AMOTL1: variants seen among roughly 807,000 people sequenced by gnomAD.
AMOTL1 encodes the protein angiomotin like 1.
Under a neutral mutation model 102.9 loss-of-function variants are expected in AMOTL1, and 45 were observed. The ratio of observed to expected loss-of-function variants is 0.44; its 90% CI spans 0.34 to 0.56. The LOEUF is 0.56. AMOTL1 is among the 20% of genes least tolerant of loss of function. AMOTL1 has a pLI of 0.01. For synonymous variants in AMOTL1, 481 were observed against 484.7 expected (o/e 0.99, Z 0.10); for missense variants, 1,114 against 1,225.6 (o/e 0.91, Z 1.36).
intron 2 of AMOTL1, among the ~76,000 whole-genome samples, chr11:94,797,667 T>C (rs1242899539): frequency 1.3e-5 from 2 of 152,186 alleles, no homozygotes; most frequent in Non-Finnish European, 2.9e-5. Flanking sequence ...TCCAATAATT[T>C]TCCCAAGAGA....
chr11:94,771,399 G>A (rs183554492), intron 1 of AMOTL1, among the ~76,000 whole-genome samples: 4 of 152,028 alleles, frequency 2.6e-5, no homozygotes, highest in Admixed American at 2.6e-4. Context: ...GAATTTAGTA[G>A]GTAATAAAAT....
At chr11:94,801,415 T>C (rs1276058044) in intron 3 of AMOTL1, among the ~76,000 whole-genome samples, 1 of 152,122 alleles carries the variant, frequency 6.6e-6, no homozygotes, top group Non-Finnish European at 1.5e-5. Context: ...AAGTTGATGA[T>C]GACGGTCTCT....
chr11:94,732,172 C>T (rs1950364924), intron 2 of AMOTL1, among the ~76,000 whole-genome samples: 1 of 152,192 alleles, frequency 6.6e-6, no homozygotes, highest in Admixed American at 6.5e-5. Context: ...TAGTGGAGTA[C>T]CAGAGAAAGC....
chr11:94,822,586 G>A (rs1951886129), intron 4 of AMOTL1, among the ~76,000 whole-genome samples: 1 of 152,204 alleles, frequency 6.6e-6, no homozygotes, highest in Non-Finnish European at 1.5e-5. Context: ...AGGGTCAAGA[G>A]TACGAGTTAT....
At position 94,875,893 on chromosome 11, in the gene AMOTL1, T is replaced by C. The variant is rs1391355300; in HGVS notation, c.*5098T>C. The C allele has an allele frequency of 6.6e-6, 1 of 152,564 alleles. No homozygotes were observed. The highest frequency in any genetic ancestry group is 1.5e-5 in the Non-Finnish European group (1 of 68,048). The allele number at this position is 152,564 out of a possible 1,614,324, so 9.5% of individuals were successfully genotyped here. On this transcript the variant is annotated 3_prime_UTR_variant, in exon 13 of 13. Coordinates refer to ENST00000433060, the MANE Select transcript of AMOTL1 (RefSeq NM_130847.3). ...CACATCTCTGCATACACTACAGATA[T>C]AAGTGCATAATCATTCATATAAACA...
chr11:94,854,716 T>C (rs914685521), intron 8 of AMOTL1, among the ~76,000 whole-genome samples: 2 of 151,934 alleles, frequency 1.3e-5, no homozygotes, highest in East Asian at 3.9e-4. Flanking sequence ...AGCCTGAAGG[T>C]TGTCGGTGCA....
At chr11:94,740,152 T>C (rs893682551) in intron 2 of AMOTL1, 3 of 152,302 alleles carry the variant, frequency 2.0e-5, no homozygotes, top group Non-Finnish European at 4.4e-5. Flanking sequence ...GGAAATAATG[T>C]TGGACTGGAG....
chr11:94,858,545 G>C (rs2079949185), intron 8 of AMOTL1, among the ~76,000 whole-genome samples: 1 of 152,154 alleles, frequency 6.6e-6, no homozygotes, highest in African/African-American at 2.4e-5. Flanking sequence ...GCATTCATGT[G>C]CCTCTCACCT....
chr11:94,870,727 G>C lies in AMOTL1; in HGVS notation c.2803G>C (p.Gly935Arg). The C allele has an allele frequency of 1.2e-6, 2 of 1,604,666 alleles. No individual in the cohort carries two copies. The highest frequency in any genetic ancestry group is 2.2e-5 in the South Asian group (2 of 88,982). ...CCATGGGAAGTCGCCTGACCACAGA[G>C]GCCGGGTCAGCAGCTTGCTGCACAA... ...PGHGKSPDHRGRVSSLLHKPE... is the reference protein window; with the variant it reads ...PGHGKSPDHRRRVSSLLHKPE... Residue 935 changes from glycine to arginine, a missense_variant, in exon 13 of 13, where the codon GGC (glycine) becomes CGC (arginine). By Grantham distance (125) the Gly-to-Arg change is moderately radical. Coordinates refer to ENST00000433060, the MANE Select transcript of AMOTL1 (RefSeq NM_130847.3).
intron 2 of AMOTL1, among the ~76,000 whole-genome samples, chr11:94,731,756 G>A (rs1443943428): frequency 1.3e-5 from 2 of 152,162 alleles, no homozygotes; most frequent in African/African-American, 4.8e-5. Context: ...AAATGGCAGA[G>A]CTGGAATTTA....
chr11:94,794,040 T>G (rs1951325947), intron 1 of AMOTL1, among the ~76,000 whole-genome samples: 2 of 152,202 alleles, frequency 1.3e-5, no homozygotes. Context: ...GCTATGGCCT[T>G]GTGGGAAATG....
In AMOTL1 at chr11:94,774,316, C is replaced by T. The variant is rs181670459; in HGVS notation, c.49+5756C>T. 4.6e-5 allele frequency among the ~76,000 whole-genome samples: 7 copies of T among 152,254 alleles called. No homozygotes were observed. The East Asian group carries it at 1.2e-3, about 25-fold the overall frequency. Reference sequence around the variant, plus strand: ...TATCTATAAAATAAACCTTTCTTTGCTTCTATAAAAGTATGATTTCTGATG... The same window carrying T: ...TATCTATAAAATAAACCTTTCTTTGTTTCTATAAAAGTATGATTTCTGATG... On this transcript the variant is annotated intron_variant, in intron 1 of 12. Transcript: ENST00000433060.
At chr11:94,860,931 G>A (rs115040815) in intron 9 of AMOTL1, among the ~76,000 whole-genome samples, 5,015 of 152,252 alleles carry the variant, frequency 0.033, 106 homozygotes, top group African/African-American at 0.053. Context: ...CATTATCGAC[G>A]TAGGGGAGAA....
At chr11:94,788,618 A>G (rs1427540159) in intron 1 of AMOTL1, among the ~76,000 whole-genome samples, 2 of 152,192 alleles carry the variant, frequency 1.3e-5, no homozygotes, top group South Asian at 2.1e-4. Flanking sequence ...TTCCTTTAAC[A>G]TACTTTGCAA....
chr11:94,749,895 C>G (rs937281170), intron 3 of AMOTL1, among the ~76,000 whole-genome samples: 1 of 152,194 alleles, frequency 6.6e-6, no homozygotes, highest in African/African-American at 2.4e-5. Flanking sequence ...TCTTCCCTAT[C>G]CTGTTTCAGA....
At chr11:94,755,418 C>T (rs1448266257) in intron 3 of AMOTL1, among the ~76,000 whole-genome samples, 2 of 152,206 alleles carry the variant, frequency 1.3e-5, no homozygotes, top group Non-Finnish European at 2.9e-5. Flanking sequence ...CACTCAGCCT[C>T]TGCTAGAACA....
Position 94,743,656 on chromosome 11 carries a change from T to C in AMOTL1, c.136+2668T>C, listed in dbSNP as rs1009024930. ...TTTCTCTACTCACAATACTTCTTTT[T>C]TTTTTTTTTTTTTTTTTTTTGTGAC... is the stretch of plus-strand genomic sequence containing the variant. On this transcript the variant is annotated intron_variant, in intron 3 of 4. Coordinates refer to the AMOTL1 transcript ENST00000299004. Among the ~76,000 whole-genome samples the C allele has an allele frequency of 4.4e-4, 60 of 135,974 alleles. 1 individual carries two copies. The East Asian group carries it at 8.7e-3, about 20-fold the overall frequency. 89.2% of individuals were successfully genotyped at this position (135,974 alleles called of 152,430 possible). A position where few individuals can be genotyped will look rare whatever the true frequency, so the allele number is the denominator to read the frequency against.
chr11:94,730,688 G>GAATT (rs367571482), intron 2 of AMOTL1, among the ~76,000 whole-genome samples: 1 of 152,132 alleles, frequency 6.6e-6, no homozygotes, highest in African/African-American at 2.4e-5. Context: ...ATGAATGAAT[G>GAATT]AATGAATGAC....
intron 3 of AMOTL1, among the ~76,000 whole-genome samples, chr11:94,755,845 C>T (rs978433705): frequency 1.3e-5 from 2 of 151,652 alleles, no homozygotes; most frequent in Non-Finnish European, 2.9e-5. Context: ...GTCTGCAGGC[C>T]GCTTGTGTTC....
Sources: allele counts gnomAD v4.1 joint callset (sites outside exome capture counted in the v4.1 genomes callset), GRCh38; gene constraint gnomAD v4.1.1; transcripts MANE v1.5; gene names NCBI Gene and HGNC (gene_info 2026-07-23, HGNC 2026-07-21).